Variants in ZBTB38 observed in about 807,000 individuals in gnomAD.
ZBTB38 encodes zinc finger and BTB domain-containing protein 38.
ZBTB38 carries 20 observed loss-of-function variants against 76.8 expected under a neutral mutation model. The ratio of observed to expected loss-of-function variants is 0.26; its 90% CI spans 0.18 to 0.38. ZBTB38 has a LOEUF of 0.38. Among genes scored for constraint, ZBTB38 ranks in the 10% least tolerant of loss-of-function variants. The probability of loss-of-function intolerance (pLI) is 1.00; values close to 1 mark genes in which losing one functional copy is unlikely to be tolerated. For synonymous variants in ZBTB38, 504 were observed against 544.2 expected (o/e 0.93, Z 1.03); for missense variants, 1,082 against 1,482.3 (o/e 0.73, Z 4.43).
intron 5 of ZBTB38, among the ~76,000 whole-genome samples, chr3:141,415,344 A>G (rs1330583501): frequency 6.6e-6 from 1 of 152,284 alleles, no homozygotes; most frequent in African/African-American, 2.4e-5. Flanking sequence ...TAGGGGGGCC[A>G]GGGTGGAATC....
chr3:141,383,992 G>C (rs1946581888), intron 3 of ZBTB38, among the ~76,000 whole-genome samples: 1 of 152,208 alleles, frequency 6.6e-6, no homozygotes, highest in African/African-American at 2.4e-5. Context: ...TCAGGCATGG[G>C]CATGGTTTTC....
rs1287096811 is a variant in ZBTB38, at chr3:141,449,458, A to G, written c.*3482A>G. On this transcript the variant is annotated 3_prime_UTR_variant, in exon 6 of 6. Coordinates refer to ENST00000321464, the MANE Select transcript of ZBTB38 (RefSeq NM_001376113.1). The stretch of plus-strand genomic sequence containing the variant: ...TTATAAGCTGGTAATTTTCACACAA[A>G]GAAAAAAATACGTTCCGTCGTCACA... 1 of 152,236 alleles carries G rather than the reference A, an allele frequency of 6.6e-6. No individual in the cohort carries two copies. Among genetic ancestry groups the G allele is most frequent in the Non-Finnish European group, 1.5e-5 (1 of 68,044 alleles). 9.4% of individuals were successfully genotyped at this position (152,236 alleles called of 1,614,324 possible).
intron 1 of ZBTB38, among the ~76,000 whole-genome samples, chr3:141,328,374 C>A (rs971606018): frequency 2.0e-5 from 3 of 152,212 alleles, no homozygotes; most frequent in Non-Finnish European, 2.9e-5. Context: ...TGCAATGGCA[C>A]TTAGCACCTC....
At chr3:141,334,240 C>T (rs1273305259) in intron 1 of ZBTB38, among the ~76,000 whole-genome samples, 2 of 136,494 alleles carry the variant, frequency 1.5e-5, no homozygotes, top group African/African-American at 5.4e-5. Flanking sequence ...AAAAAAAAAG[C>T]TATGTGCCAA....
chr3:141,337,441 G>A (rs1943047382), intron 1 of ZBTB38, among the ~76,000 whole-genome samples: 1 of 152,222 alleles, frequency 6.6e-6, no homozygotes, highest in African/African-American at 2.4e-5. Flanking sequence ...CAAAAGCTGA[G>A]GTCATTTTGA....
intron 1 of ZBTB38, among the ~76,000 whole-genome samples, chr3:141,326,087 G>T (rs921525301): frequency 1.8e-4 from 27 of 152,042 alleles, no homozygotes; most frequent in African/African-American, 6.3e-4. Context: ...TCTCGAAGAG[G>T]CATTCTTTGG....
At chr3:141,416,463 G>A (rs2074071985) in intron 5 of ZBTB38, among the ~76,000 whole-genome samples, 1 of 152,144 alleles carries the variant, frequency 6.6e-6, no homozygotes, top group Admixed American at 6.5e-5. Flanking sequence ...GAGTCTCTGA[G>A]CTGGCTCGCT....
At chr3:141,329,249 A>G (rs1353656036) in intron 1 of ZBTB38, among the ~76,000 whole-genome samples, 3 of 152,206 alleles carry the variant, frequency 2.0e-5, no homozygotes, top group Admixed American at 6.5e-5. Context: ...ATAGATGAGT[A>G]TGTGAAGGAA....
rs145515594 is a variant in ZBTB38, at chr3:141,433,906, T to C, written c.1-8483T>C. On this transcript the variant is annotated intron_variant, in intron 5 of 5. Transcript: ENST00000321464. ...AGTGATAATCTCCTAAAAGTGTGTTTTTATTAGTAAATCTTTAAGAGATTG... is the reference window on the plus strand; with the variant it reads ...AGTGATAATCTCCTAAAAGTGTGTTCTTATTAGTAAATCTTTAAGAGATTG... 3.5e-3 allele frequency among the ~76,000 whole-genome samples: 536 copies of C among 152,362 alleles called. 4 individuals are homozygous for C. Among genetic ancestry groups the C allele is most frequent in the African/African-American group, 0.012 (497 of 41,590 alleles).
At chr3:141,438,484 A>C (rs2079334876) in intron 5 of ZBTB38, 1 of 152,300 alleles carries the variant, frequency 6.6e-6, no homozygotes, top group Admixed American at 6.5e-5. Context: ...GGCCTCCCAA[A>C]GTGCTGGGAT....
intron 1 of ZBTB38, among the ~76,000 whole-genome samples, chr3:141,361,669 A>G (rs1396654628): frequency 6.6e-6 from 1 of 152,178 alleles, no homozygotes; most frequent in African/African-American, 2.4e-5. Flanking sequence ...GGGGATGGCT[A>G]TGGGGTAGCA....
chr3:141,328,266 C>A (rs182660069), intron 1 of ZBTB38, among the ~76,000 whole-genome samples: 1 of 152,266 alleles, frequency 6.6e-6, no homozygotes, highest in East Asian at 1.9e-4. Flanking sequence ...TGTCCTCAGC[C>A]TCATCTACCA....
chr3:141,430,482 T>C (rs914232683), intron 5 of ZBTB38, among the ~76,000 whole-genome samples: 1 of 152,230 alleles, frequency 6.6e-6, no homozygotes, highest in African/African-American at 2.4e-5. Flanking sequence ...TAATTCCAGC[T>C]GACATTTCTT....
chr3:141,409,966 GAAT>G (rs1370197686), intron 5 of ZBTB38, among the ~76,000 whole-genome samples: 2 of 152,226 alleles, frequency 1.3e-5, no homozygotes, highest in African/African-American at 4.8e-5. Flanking sequence ...ACATTCGTGA[GAAT>G]CCAGAGGGGA....
chr3:141,390,317 A>G (rs1948456334), intron 4 of ZBTB38, among the ~76,000 whole-genome samples: 1 of 152,218 alleles, frequency 6.6e-6, no homozygotes, highest in Non-Finnish European at 1.5e-5. Context: ...CGGTATTTTT[A>G]CTGGGCAGGC....
At position 141,431,336 on chromosome 3, in the gene ZBTB38, A is replaced by AT. The variant is rs1429323575; in HGVS notation, c.1-11053_1-11052insT. ...GAGACTTCGTCTCAAAAAAAAAAAA[A>AT]AAAAAATATATATATATATTTGGGG... On this transcript the variant is annotated intron_variant, in intron 5 of 5. Transcript: ENST00000321464. Among the ~76,000 whole-genome samples the AT allele has an allele frequency of 8.0e-5, 10 of 124,788 alleles. 1 individual carries two copies. Among genetic ancestry groups the AT allele is most frequent in the African/African-American group, 3.2e-4 (9 of 27,922 alleles). 81.9% of individuals were successfully genotyped at this position (124,788 alleles called of 152,430 possible). A position where few individuals can be genotyped will look rare whatever the true frequency, so the allele number is the denominator to read the frequency against.
intron 1 of ZBTB38, among the ~76,000 whole-genome samples, chr3:141,348,520 C>A (rs1943428736): frequency 6.6e-6 from 1 of 152,212 alleles, no homozygotes; most frequent in South Asian, 2.1e-4. Flanking sequence ...CTGCTGACTG[C>A]AAATTTAGAT....
intron 2 of ZBTB38, among the ~76,000 whole-genome samples, chr3:141,371,573 C>T (rs1234966147): frequency 6.6e-6 from 1 of 151,712 alleles, no homozygotes; most frequent in Non-Finnish European, 1.5e-5. Context: ...CTCCTGGGCT[C>T]AAGCAATCCA....
chr3:141,324,238 C>T (rs1164139623), exon 1 of ZBTB38: 1 of 152,222 alleles, frequency 6.6e-6, no homozygotes, highest in African/African-American at 2.4e-5. Context: ...GCCAAGGCCT[C>T]GGGCAGCCCT....
Sources: gnomAD v4.1 joint callset for allele counts (sites outside exome capture counted in the v4.1 genomes callset) on GRCh38, gnomAD v4.1.1 for gene constraint, MANE v1.5 for transcripts, NCBI Gene and HGNC (gene_info 2026-07-23, HGNC 2026-07-21) for gene names.